Variants in SCAMP1 observed in about 807,000 individuals in gnomAD.
SCAMP1 encodes the protein secretory carrier-associated membrane protein 1.
Under a neutral mutation model 41.8 loss-of-function variants are expected in SCAMP1, and 15 were observed. That is an observed-to-expected ratio of 0.36 (90% CI 0.24 to 0.55). SCAMP1 has a LOEUF of 0.55. Among genes scored for constraint, SCAMP1 ranks in the 20% least tolerant of loss-of-function variants. SCAMP1 has a pLI of 0.86. For missense variants in SCAMP1, 341 were observed against 412.6 expected (o/e 0.83, Z 1.50); for synonymous variants, 135 against 136.8 (o/e 0.99, Z 0.09).
At position 78,479,780 on chromosome 5, in the gene SCAMP1, C is replaced by T. The variant is rs887511054; in HGVS notation, c.*4112C>T. Among the ~76,000 whole-genome samples, 13 of 152,232 alleles carry T rather than the reference C, an allele frequency of 8.5e-5. No individual in the cohort carries two copies. Among genetic ancestry groups the T allele is most frequent in the South Asian group, 6.2e-4 (3 of 4,822 alleles). The stretch of plus-strand genomic sequence containing the variant: ...GATTTTGGCCAGGTGTGGTGGCTCA[C>T]GCCTGTAATCCCAGCACTTTGGGAG... On this transcript the variant is annotated 3_prime_UTR_variant, in exon 9 of 9. Coordinates refer to ENST00000621999, the MANE Select transcript of SCAMP1 (RefSeq NM_004866.6).
At chr5:78,387,733 G>A (rs747875385) in intron 1 of SCAMP1, among the ~76,000 whole-genome samples, 1 of 152,056 alleles carries the variant, frequency 6.6e-6, no homozygotes, top group Non-Finnish European at 1.5e-5. Flanking sequence ...TTCTCTTCTG[G>A]ATCAAGCCAC....
At chr5:78,458,422 T>A (rs1753490227) in intron 7 of SCAMP1, among the ~76,000 whole-genome samples, 1 of 152,202 alleles carries the variant, frequency 6.6e-6, no homozygotes, top group African/African-American at 2.4e-5. Context: ...GTCGTCTTTA[T>A]GTCCTCTTAG....
At chr5:78,392,777 T>G (rs1276627629) in intron 2 of SCAMP1, among the ~76,000 whole-genome samples, 1 of 152,246 alleles carries the variant, frequency 6.6e-6, no homozygotes, top group Non-Finnish European at 1.5e-5. Context: ...TTCCTTTGTT[T>G]ATTATATAAT....
chr5:78,474,479 CCTCTCTTTT>C (rs1753959677), intron 8 of SCAMP1, among the ~76,000 whole-genome samples: 1 of 152,164 alleles, frequency 6.6e-6, no homozygotes, highest in Non-Finnish European at 1.5e-5. Context: ...ACCAGCCTAT[CCTCTCTTTT>C]CTCTGTCTTC....
chr5:78,402,915 A>C (rs1206803952), intron 2 of SCAMP1, among the ~76,000 whole-genome samples: 2 of 152,106 alleles, frequency 1.3e-5, no homozygotes, highest in Admixed American at 1.3e-4. Context: ...TCTGTCACCC[A>C]GGCTGGAGTG....
At chr5:78,425,787 AT>A (rs1752454025) in intron 6 of SCAMP1, among the ~76,000 whole-genome samples, 1 of 152,076 alleles carries the variant, frequency 6.6e-6, no homozygotes, top group African/African-American at 2.4e-5. Flanking sequence ...GATTTATTTT[AT>A]TTTATTTTAC....
intron 8 of SCAMP1, among the ~76,000 whole-genome samples, chr5:78,461,059 T>C (rs1489258944): frequency 1.3e-5 from 2 of 152,096 alleles, no homozygotes; most frequent in Non-Finnish European, 2.9e-5. Context: ...TTTGACCATG[T>C]TGGCCAGCCT....
intron 2 of SCAMP1, among the ~76,000 whole-genome samples, chr5:78,405,033 T>G (rs1259180954): frequency 6.6e-6 from 1 of 152,260 alleles, no homozygotes; most frequent in African/African-American, 2.4e-5. Flanking sequence ...AGAGAGCTTT[T>G]GCTCTGGCAA....
intron 2 of SCAMP1, among the ~76,000 whole-genome samples, chr5:78,391,687 A>T (rs2112091484): frequency 6.6e-6 from 1 of 152,300 alleles, no homozygotes; most frequent in African/African-American, 2.4e-5. Context: ...GCGAGCCGAG[A>T]TCACGCCACC....
intron 6 of SCAMP1, among the ~76,000 whole-genome samples, chr5:78,429,762 G>A (rs1752557060): frequency 6.6e-6 from 1 of 151,990 alleles, no homozygotes; most frequent in Admixed American, 6.6e-5. Flanking sequence ...TTATTTTTGA[G>A]TTTGATCCAT....
intron 2 of SCAMP1, among the ~76,000 whole-genome samples, chr5:78,391,505 T>C (rs1036225146): frequency 3.4e-5 from 5 of 149,026 alleles, no homozygotes; most frequent in Admixed American, 2.7e-4. Context: ...GCGGAGACGC[T>C]CCTCACTTCC....
chr5:78,431,453 T>C (rs996222196), intron 6 of SCAMP1, among the ~76,000 whole-genome samples: 3 of 151,578 alleles, frequency 2.0e-5, no homozygotes, highest in Non-Finnish European at 4.4e-5. Context: ...ATTACTTATC[T>C]GCTTGGATTA....
chr5:78,433,935 AT>A (rs1035742686), intron 6 of SCAMP1, among the ~76,000 whole-genome samples: 1 of 151,756 alleles, frequency 6.6e-6, no homozygotes, highest in African/African-American at 2.4e-5. Flanking sequence ...GGGTTAGAGG[AT>A]TTTTTTTCCT....
At chr5:78,469,935 A>AAAAAAAAAAAAAAAAAAAAAAAAAAG (rs1753843992) in intron 8 of SCAMP1, among the ~76,000 whole-genome samples, 1 of 16,574 alleles carries the variant, frequency 6.0e-5, no homozygotes. Context: ...AAAAAAAACA[A>AAAAAAAAAAAAAAAAAAAAAAAAAAG]CAACACAGCC....
chr5:78,380,239 C>T (rs892020855), intron 1 of SCAMP1, among the ~76,000 whole-genome samples: 1 of 152,080 alleles, frequency 6.6e-6, no homozygotes, highest in Non-Finnish European at 1.5e-5. Flanking sequence ...TGCTTCCAGT[C>T]GATTAATTAG....
chr5:78,460,820 C>CCTTCCTTCTTTCTTTCTTTCTTTCTTT lies in SCAMP1; in HGVS notation c.852+1461_852+1462insCCTTCTTTCTTTCTTTCTTTCTTTCTT. Among the ~76,000 whole-genome samples the CCTTCCTTCTTTCTTTCTTTCTTTCTTT allele has an allele frequency of 7.1e-5, 2 of 28,172 alleles. 1 individual carries two copies. The highest frequency in any genetic ancestry group is 2.4e-4 in the Non-Finnish European group (2 of 8,296). The allele number at this position is 28,172 out of a possible 152,430, so 18.5% of individuals were successfully genotyped here. The stretch of plus-strand genomic sequence containing the variant: ...TCCTTCCTTCCTCCCTTCCTTCCTT[C>CCTTCCTTCTTTCTTTCTTTCTTTCTTT]CTTTCTTGTCTTTCCTCTATCTGTC... On this transcript the variant is annotated intron_variant, in intron 8 of 8. Transcript: ENST00000621999.
intron 2 of SCAMP1, among the ~76,000 whole-genome samples, chr5:78,404,705 C>G (rs1307314142): frequency 1.3e-5 from 2 of 152,136 alleles, no homozygotes; most frequent in African/African-American, 4.8e-5. Flanking sequence ...GAGTTAGGCT[C>G]TGATAAGCCC....
At chr5:78,410,027 C>G (rs1334107052) in intron 2 of SCAMP1, among the ~76,000 whole-genome samples, 1 of 151,640 alleles carries the variant, frequency 6.6e-6, no homozygotes, top group African/African-American at 2.4e-5. Flanking sequence ...ATCTTTATTA[C>G]TGATCAAGAT....
At chr5:78,380,166 A>G (rs1307068302) in intron 1 of SCAMP1, among the ~76,000 whole-genome samples, 1 of 152,202 alleles carries the variant, frequency 6.6e-6, no homozygotes, top group Non-Finnish European at 1.5e-5. Context: ...TCAGCTGCAT[A>G]GTACTTTATC....
Sources: allele counts gnomAD v4.1 joint callset (sites outside exome capture counted in the v4.1 genomes callset), GRCh38; gene constraint gnomAD v4.1.1; transcripts MANE v1.5; gene names NCBI Gene and HGNC (gene_info 2026-07-23, HGNC 2026-07-21).